NCKAP5: variants seen among roughly 807,000 people sequenced by gnomAD.
NCKAP5 encodes NCK associated protein 5.
In NCKAP5, 92 loss-of-function variants were observed where a neutral mutation model predicts 167.0. The ratio of observed to expected loss-of-function variants is 0.55; its 90% confidence interval spans 0.47 to 0.66. NCKAP5 has a LOEUF of 0.66. NCKAP5 is among the 30% of genes least tolerant of loss of function. NCKAP5 has a pLI of 0.00. For synonymous variants in NCKAP5, 891 were observed against 877.4 expected (o/e 1.02, Z -0.27); for missense variants, 2,378 against 2,315.0 (o/e 1.03, Z -0.56).
intron 9 of NCKAP5, among the ~76,000 whole-genome samples, chr2:132,870,623 T>C (rs1209728777): frequency 6.6e-6 from 1 of 151,846 alleles, no homozygotes; most frequent in Non-Finnish European, 1.5e-5. Context: ...TGGTAATTCT[T>C]ACAGTCAACG....
chr2:132,992,526 G>A (rs1265944049), intron 7 of NCKAP5, among the ~76,000 whole-genome samples: 1 of 152,172 alleles, frequency 6.6e-6, no homozygotes, highest in East Asian at 1.9e-4. Flanking sequence ...ACATGTGATG[G>A]GGAACAAATA....
chr2:132,779,619 T>C (rs1293562685), intron 15 of NCKAP5, among the ~76,000 whole-genome samples: 3 of 151,928 alleles, frequency 2.0e-5, no homozygotes, highest in Non-Finnish European at 4.4e-5. Context: ...AAAAAAAACT[T>C]TTGCAACGAA....
chr2:132,769,428 T>C (rs1475797543), intron 16 of NCKAP5, among the ~76,000 whole-genome samples: 1 of 152,216 alleles, frequency 6.6e-6, no homozygotes, highest in Admixed American at 6.5e-5. Context: ...GTTGCTGTTA[T>C]TGGAAACATA....
chr2:133,597,708 A>G, the NCKAP5 span, among the ~76,000 whole-genome samples: 294 of 151,110 alleles, frequency 1.9e-3, no homozygotes, highest in African/African-American at 6.8e-3. Flanking sequence ...AGAAGAGAAA[A>G]AAAAGGGGGA....
At chr2:132,902,578 G>A (rs1401787658) in intron 8 of NCKAP5, among the ~76,000 whole-genome samples, 2 of 152,202 alleles carry the variant, frequency 1.3e-5, no homozygotes, top group Non-Finnish European at 2.9e-5. Flanking sequence ...AATGTACTTA[G>A]CAAATTTGCC....
intron 8 of NCKAP5, among the ~76,000 whole-genome samples, chr2:132,944,836 C>T (rs1235169709): frequency 6.6e-6 from 1 of 152,124 alleles, no homozygotes; most frequent in South Asian, 2.1e-4. Flanking sequence ...TCTCTTGGCC[C>T]AACCCCAGCC....
At chr2:132,749,403 C>T (rs1384517172) in intron 16 of NCKAP5, among the ~76,000 whole-genome samples, 1 of 152,054 alleles carries the variant, frequency 6.6e-6, no homozygotes, top group East Asian at 1.9e-4. Context: ...AGGATTTTGT[C>T]ATATTGCCCA....
chr2:132,711,353 A>G (rs186417599), intron 19 of NCKAP5, among the ~76,000 whole-genome samples: 113 of 152,346 alleles, frequency 7.4e-4, no homozygotes, highest in African/African-American at 2.6e-3. Context: ...ATTTATAATA[A>G]TAACATAGCC....
intron 1 of NCKAP5, among the ~76,000 whole-genome samples, chr2:133,559,650 G>A (rs1006252353): frequency 2.0e-5 from 3 of 152,248 alleles, no homozygotes; most frequent in East Asian, 3.9e-4. Flanking sequence ...TATGGATGGG[G>A]AAATCATGCC....
intron 6 of NCKAP5, among the ~76,000 whole-genome samples, chr2:133,115,584 A>T (rs2082045014): frequency 6.6e-6 from 1 of 151,818 alleles, no homozygotes; most frequent in African/African-American, 2.4e-5. Context: ...AAGGTTTATT[A>T]AGAGAAATTT....
At chr2:133,268,448 T>A (rs1373807718) in intron 4 of NCKAP5, 1 of 151,446 alleles carries the variant, frequency 6.6e-6, no homozygotes, top group Non-Finnish European at 1.5e-5. Context: ...ATCATGTAAG[T>A]CAAGGACAAC....
At chr2:133,432,477 G>A (rs1574946192) in intron 3 of NCKAP5, among the ~76,000 whole-genome samples, 2 of 152,264 alleles carry the variant, frequency 1.3e-5, no homozygotes, top group South Asian at 4.1e-4. Flanking sequence ...CCCAGTGCCT[G>A]TTGTTGCTAT....
intron 5 of NCKAP5, among the ~76,000 whole-genome samples, chr2:133,145,149 A>G (rs1023815122): frequency 4.6e-4 from 70 of 152,264 alleles, no homozygotes; most frequent in African/African-American, 1.6e-3. Context: ...TTAATTTATT[A>G]AAAACAAGTT....
chr2:133,371,614 G>A lies in NCKAP5; in HGVS notation c.70-68504C>T, dbSNP rs990738485. Among the ~76,000 whole-genome samples the A allele has an allele frequency of 6.6e-5, 10 of 152,192 alleles. 3 individuals are homozygous for A. The highest frequency in any genetic ancestry group is 6.5e-4 in the Admixed American group (10 of 15,278). On this transcript the variant is annotated intron_variant, in intron 3 of 19. Coordinates refer to ENST00000409261, the MANE Select transcript of NCKAP5 (RefSeq NM_207363.3). Reference sequence around the variant, plus strand: ...ATAAATATTTCTTCAACTCTGAATGGAAGAGTGAGTTCTTTCATACACAAT... The same window carrying A: ...ATAAATATTTCTTCAACTCTGAATGAAAGAGTGAGTTCTTTCATACACAAT...
At chr2:133,559,786 G>A (rs1688029149) in intron 1 of NCKAP5, among the ~76,000 whole-genome samples, 1 of 152,094 alleles carries the variant, frequency 6.6e-6, no homozygotes, top group Admixed American at 6.5e-5. Flanking sequence ...TATACTGTCT[G>A]CATTAATTGA....
At chr2:133,279,737 T>C (rs577833448) in intron 4 of NCKAP5, among the ~76,000 whole-genome samples, 5 of 152,368 alleles carry the variant, frequency 3.3e-5, no homozygotes, top group Non-Finnish European at 7.3e-5. Context: ...GATAGCATTA[T>C]TGTCATTAAT....
At chr2:133,437,966 T>C (rs1690599376) in intron 3 of NCKAP5, among the ~76,000 whole-genome samples, 1 of 152,216 alleles carries the variant, frequency 6.6e-6, no homozygotes. Flanking sequence ...GAAGAAGGGA[T>C]TTGCCTGCAT....
At chr2:132,960,033 G>A (rs1573554663) in intron 8 of NCKAP5, among the ~76,000 whole-genome samples, 2 of 152,270 alleles carry the variant, frequency 1.3e-5, no homozygotes, top group South Asian at 2.1e-4. Flanking sequence ...CCCAGGGGAA[G>A]CAGTGGCTGG....
chr2:133,041,769 C>T (rs1254820314), intron 6 of NCKAP5, among the ~76,000 whole-genome samples: 19 of 152,058 alleles, frequency 1.2e-4, no homozygotes. Context: ...TACACAAGGT[C>T]CTTTGTTCTA....
Sources: gnomAD v4.1 joint callset for allele counts (sites outside exome capture counted in the v4.1 genomes callset) on GRCh38, gnomAD v4.1.1 for gene constraint, MANE v1.5 for transcripts, NCBI Gene and HGNC (gene_info 2026-07-23, HGNC 2026-07-21) for gene names.